Variants in LHFPL3 observed in about 807,000 individuals in gnomAD.
LHFPL3 encodes the protein LHFPL tetraspan subfamily member 3.
A neutral mutation model predicts 19.3 loss-of-function variants in LHFPL3; 5 were observed. The observed-to-expected ratio is 0.26, with a 90% CI of 0.14 to 0.54. LHFPL3 has a LOEUF of 0.54. Among genes scored for constraint, LHFPL3 ranks in the 20% least tolerant of loss-of-function variants. The probability of loss-of-function intolerance (pLI) is 0.94; values close to 1 mark genes in which losing one functional copy is unlikely to be tolerated. For missense variants in LHFPL3, 249 were observed against 307.4 expected (o/e 0.81, Z 1.42); for synonymous variants, 133 against 126.2 (o/e 1.05, Z -0.36).
chr7:104,905,114 C>T (rs995660761), intron 2 of LHFPL3, among the ~76,000 whole-genome samples: 2 of 151,884 alleles, frequency 1.3e-5, no homozygotes, highest in Non-Finnish European at 1.5e-5. Flanking sequence ...CCACCACACT[C>T]GGCTAATTTT....
chr7:104,601,397 T>C (rs1310121550), intron 1 of LHFPL3, among the ~76,000 whole-genome samples: 1 of 152,188 alleles, frequency 6.6e-6, no homozygotes, highest in African/African-American at 2.4e-5. Flanking sequence ...AAATGTGTTC[T>C]AGGTACTAGA....
At chr7:104,837,822 GCTTA>G (rs1379230999) in intron 2 of LHFPL3, among the ~76,000 whole-genome samples, 1 of 152,066 alleles carries the variant, frequency 6.6e-6, no homozygotes, top group Admixed American at 6.6e-5. Context: ...CAGTGCCATT[GCTTA>G]CTTATTTTAC....
At chr7:104,824,604 A>C (rs1181372338) in intron 2 of LHFPL3, among the ~76,000 whole-genome samples, 3 of 71,082 alleles carry the variant, frequency 4.2e-5, no homozygotes, top group African/African-American at 5.3e-5. Flanking sequence ...TATATATTAT[A>C]TATAATTATA....
chr7:104,516,907 G>C (rs759500672), intron 1 of LHFPL3, among the ~76,000 whole-genome samples: 2 of 152,146 alleles, frequency 1.3e-5, no homozygotes, highest in South Asian at 4.1e-4. Flanking sequence ...AATGCCCATC[G>C]ATGGTAGACT....
chr7:104,511,838 A>G (rs535025016), intron 1 of LHFPL3, among the ~76,000 whole-genome samples: 2 of 152,270 alleles, frequency 1.3e-5, no homozygotes, highest in East Asian at 1.9e-4. Flanking sequence ...AAAATTTTCC[A>G]TTTAGAATCA....
At chr7:104,356,779 C>A (rs1248117171) in intron 1 of LHFPL3, among the ~76,000 whole-genome samples, 4 of 152,138 alleles carry the variant, frequency 2.6e-5, no homozygotes, top group Non-Finnish European at 4.4e-5. Flanking sequence ...GGCACCAACA[C>A]CCAGATAATG....
chr7:104,892,893 C>A (rs1365289202), intron 2 of LHFPL3, among the ~76,000 whole-genome samples: 1 of 151,726 alleles, frequency 6.6e-6, no homozygotes, highest in Non-Finnish European at 1.5e-5. Flanking sequence ...GTATGTTATT[C>A]ATTTATTATA....
chr7:104,863,235 G>A (rs1234016737), intron 2 of LHFPL3, among the ~76,000 whole-genome samples: 1 of 152,146 alleles, frequency 6.6e-6, no homozygotes, highest in African/African-American at 2.4e-5. Context: ...TAAAGTGAAT[G>A]ATGCAAAAAT....
chr7:104,648,960 A>G (rs1791979138), intron 1 of LHFPL3, among the ~76,000 whole-genome samples: 2 of 152,194 alleles, frequency 1.3e-5, no homozygotes, highest in South Asian at 2.1e-4. Context: ...AGGAAGCTCT[A>G]TGGACACATC....
At chr7:104,615,898 G>A (rs1308610624) in intron 1 of LHFPL3, among the ~76,000 whole-genome samples, 2 of 152,252 alleles carry the variant, frequency 1.3e-5, no homozygotes, top group East Asian at 3.9e-4. Context: ...TTGCTACAAA[G>A]AGAATAAAAT....
intron 1 of LHFPL3, among the ~76,000 whole-genome samples, chr7:104,427,928 A>G (rs904703518): frequency 2.0e-5 from 3 of 152,210 alleles, no homozygotes; most frequent in African/African-American, 7.2e-5. Flanking sequence ...GGCAGTCCCA[A>G]ATGCTTCTTC....
At chr7:104,689,925 C>A (rs112633610) in intron 1 of LHFPL3, among the ~76,000 whole-genome samples, 2 of 152,150 alleles carry the variant, frequency 1.3e-5, no homozygotes, top group African/African-American at 4.8e-5. Context: ...TGGCAGAATC[C>A]CCACATTGGC....
chr7:104,589,492 T>G (rs965094918), intron 1 of LHFPL3, among the ~76,000 whole-genome samples: 2 of 152,234 alleles, frequency 1.3e-5, no homozygotes, highest in African/African-American at 2.4e-5. Context: ...AGCTTTTTGA[T>G]GTGCTGCTGG....
At chr7:104,678,447 G>GA (rs1429756422) in intron 1 of LHFPL3, among the ~76,000 whole-genome samples, 1 of 152,110 alleles carries the variant, frequency 6.6e-6, no homozygotes, top group African/African-American at 2.4e-5. Flanking sequence ...AAGGAAGAGG[G>GA]AAAAAATCCT....
Position 104,584,909 on chromosome 7 carries a change from T to C in LHFPL3, c.446-151766T>C, listed in dbSNP as rs78812906. Among the ~76,000 whole-genome samples the C allele has an allele frequency of 4.3e-3, 661 of 152,304 alleles. 34 individuals are homozygous for C. The East Asian group carries it at 0.099, about 23-fold the overall frequency. On this transcript the variant is annotated intron_variant, in intron 1 of 2. Coordinates refer to ENST00000424859, the MANE Select transcript of LHFPL3 (RefSeq NM_199000.3). ...TAAGAACTGTTGAAATCCACTGAAA[T>C]CCAGGATAGGCAGCATCTGGAGTTA...
intron 1 of LHFPL3, among the ~76,000 whole-genome samples, chr7:104,493,860 A>G (rs939717791): frequency 6.6e-6 from 1 of 152,140 alleles, no homozygotes; most frequent in Non-Finnish European, 1.5e-5. Flanking sequence ...TCCAATAAGG[A>G]TAGCAGGTGG....
rs141081878 is a variant in LHFPL3 at position 104,697,265 on chromosome 7, C to G, written c.446-39410C>G. ...CAAAGATTCAGTCTATAGCAAACAC[C>G]CTCTCCAAAAAGAAACATTAGCAAC... On this transcript the variant is annotated intron_variant, in intron 1 of 2. Transcript: ENST00000424859. 5.3e-5 allele frequency among the ~76,000 whole-genome samples: 8 copies of G among 152,194 alleles called. No individual in the cohort carries two copies. In the East Asian group the frequency reaches 1.4e-3, roughly 26 times the overall value.
At chr7:104,409,928 C>G (rs1376712860) in intron 1 of LHFPL3, among the ~76,000 whole-genome samples, 3 of 151,906 alleles carry the variant, frequency 2.0e-5, no homozygotes, top group African/African-American at 7.3e-5. Flanking sequence ...TTTCAGAAAG[C>G]AATGCACGAG....
At chr7:104,433,669 T>C (rs1792041895) in intron 1 of LHFPL3, among the ~76,000 whole-genome samples, 2 of 152,242 alleles carry the variant, frequency 1.3e-5, no homozygotes, top group Admixed American at 6.5e-5. Flanking sequence ...TCTCTTGGCC[T>C]AGAATGCCTT....
Sources: allele counts gnomAD v4.1 joint callset (sites outside exome capture counted in the v4.1 genomes callset), GRCh38; gene constraint gnomAD v4.1.1; transcripts MANE v1.5; gene names NCBI Gene and HGNC (gene_info 2026-07-23, HGNC 2026-07-21).